The following ATP7A variants were observed in gnomAD, a reference collection of about 807,000 sequenced individuals.
ATP7A encodes ATPase copper transporting alpha, also known as copper-transporting ATPase 1.
Under a neutral mutation model 83.5 loss-of-function variants are expected in ATP7A, and 7 were observed. The observed-to-expected ratio is 0.08, with a 90% CI of 0.05 to 0.16. ATP7A has a LOEUF of 0.16. Among genes scored for constraint, ATP7A ranks in the 10% least tolerant of loss-of-function variants. ATP7A has a pLI of 1.00. For missense variants in ATP7A, 940 were observed against 1,120.8 expected (o/e 0.84, Z 2.30); for synonymous variants, 354 against 395.2 (o/e 0.90, Z 1.24).
chrX:77,970,665 TCAAAAACAAAAA>T (rs373778439), intron 1 of ATP7A, among the ~76,000 whole-genome samples: 2 of 110,500 alleles, frequency 1.8e-5, no homozygotes, highest in East Asian at 2.8e-4. Context: ...GAATTGAGTC[TCAAAAACAAAAA>T]CAAAAACAAA....
chrX:77,988,498 C>T lies in ATP7A; in HGVS notation c.377C>T (p.Ala126Val), dbSNP rs782629239. Residue 126 changes from alanine (A) to valine (V), a missense_variant, in exon 3 of 23, where the codon GCA becomes GTA. Around this residue, in one of 3 missense-constraint regions of ATP7A, gnomAD observed 350 missense variants for 432.8 expected, o/e 0.81. Coordinates refer to ENST00000341514, the MANE Select transcript of ATP7A (RefSeq NM_000052.7). The part of the protein sequence containing the change: ...IKIYPQKRTV[A>V]VTIIPSIVNA... ...ATTTACCCTCAGAAAAGAACTGTAGCAGTGACAATAATCCCTTCTATAGTG... is the reference window on the plus strand; with the variant it reads ...ATTTACCCTCAGAAAAGAACTGTAGTAGTGACAATAATCCCTTCTATAGTG... 1 of 1,211,644 alleles carries T rather than the reference C, an allele frequency of 8.3e-7. No homozygotes were observed. Among genetic ancestry groups the T allele is most frequent in the South Asian group, 1.8e-5 (1 of 56,991 alleles).
At chrX:78,028,340 C>A (rs782623852) in intron 14 of ATP7A, among the ~76,000 whole-genome samples, 15 of 110,949 alleles carry the variant, frequency 1.4e-4, no homozygotes, top group Non-Finnish European at 1.7e-4. Flanking sequence ...AGGCATGTGC[C>A]ACCATGCCCA....
At chrX:78,035,029 C>T (rs1176012671) in intron 17 of ATP7A, among the ~76,000 whole-genome samples, 1 of 111,634 alleles carries the variant, frequency 9.0e-6, no homozygotes, top group African/African-American at 3.3e-5. Context: ...CAGGTGTGAG[C>T]CACTGCACCC....
chrX:77,978,048 A>AATGTGTTTATATGGTC (rs1342603579), intron 2 of ATP7A, among the ~76,000 whole-genome samples: 24 of 111,669 alleles, frequency 2.1e-4, no homozygotes, highest in Non-Finnish European at 4.1e-4. Flanking sequence ...GAGTATCAGC[A>AATGTGTTTATATGGTC]ATGTGTTTAT....
intron 1 of ATP7A, chrX:77,969,767 C>A (rs1557229414): frequency 1.2e-6 from 1 of 812,535 alleles, no homozygotes; most frequent in South Asian, 2.6e-5. Context: ...CCACTGTTTC[C>A]ATGGGATATA....
Position 78,038,878 on chromosome X carries a change from G to A in ATP7A, c.3554G>A (p.Arg1185Gln), listed in dbSNP as rs782435305. The A allele has an allele frequency of 1.7e-6, 2 of 1,209,690 alleles. No homozygotes were observed. The highest frequency in any genetic ancestry group is 2.2e-6 in the Non-Finnish European group (2 of 893,691). The change falls in exon 18 of 23, where the codon CGG becomes CAG. Residue 1185 changes from arginine to glutamine, a missense_variant. Coordinates refer to ENST00000341514, the MANE Select transcript of ATP7A (RefSeq NM_000052.7). The stretch of plus-strand genomic sequence containing the variant: ...CAGTATAAAGTCCTCATTGGTAACC[G>A]GGAGTGGATGATTAGAAATGGTCTT... Reference protein sequence around the residue: ...AQQYKVLIGNREWMIRNGLVI... With the variant: ...AQQYKVLIGNQEWMIRNGLVI...
At chrX:78,013,227 G>T in intron 10 of ATP7A, 115 bp downstream of exon 10, 1 of 684,587 alleles carries the variant, frequency 1.5e-6, no homozygotes. Flanking sequence ...TTTACTGAAA[G>T]ACGTATTTTC....
intron 17 of ATP7A, among the ~76,000 whole-genome samples, chrX:78,037,614 A>G (rs1020744123): frequency 8.9e-6 from 1 of 111,820 alleles, no homozygotes; most frequent in Non-Finnish European, 1.9e-5. Context: ...GGATGGGCAA[A>G]GAAGGCCAAG....
intron 6 of ATP7A, among the ~76,000 whole-genome samples, chrX:78,007,104 C>T (rs1421613918): frequency 1.8e-5 from 2 of 111,759 alleles, no homozygotes; most frequent in Non-Finnish European, 3.8e-5. Flanking sequence ...TCTAAAGCAG[C>T]TGTACCATTT....
At chrX:77,935,227 G>A (rs1038425036) in intron 1 of ATP7A, among the ~76,000 whole-genome samples, 1 of 112,129 alleles carries the variant, frequency 8.9e-6, no homozygotes, top group Non-Finnish European at 1.9e-5. Flanking sequence ...CTAATAAAAA[G>A]CAGGAATAGT....
intron 1 of ATP7A, among the ~76,000 whole-genome samples, chrX:77,921,780 C>A (rs2077216986): frequency 9.0e-6 from 1 of 110,615 alleles, no homozygotes; most frequent in African/African-American, 3.3e-5. Context: ...GTGGTGGGCA[C>A]CTGTAATCCT....
At chrX:77,967,514 CT>C (rs2077515834) in intron 1 of ATP7A, among the ~76,000 whole-genome samples, 1 of 111,977 alleles carries the variant, frequency 8.9e-6, no homozygotes, top group African/African-American at 3.2e-5. Flanking sequence ...TGATGTTGAG[CT>C]TTTTTTCATA....
At chrX:77,940,830 A>T (rs1603373391) in intron 1 of ATP7A, among the ~76,000 whole-genome samples, 1 of 112,073 alleles carries the variant, frequency 8.9e-6, no homozygotes, top group East Asian at 2.8e-4. Context: ...GAGATAAAAA[A>T]CAGATGATCA....
chrX:77,947,401 G>A (rs1231861501), intron 1 of ATP7A, among the ~76,000 whole-genome samples: 1 of 109,095 alleles, frequency 9.2e-6, no homozygotes, highest in Non-Finnish European at 1.9e-5. Flanking sequence ...ATATAAAAAT[G>A]GTTAAAATGG....
chrX:77,970,067 G>A (rs1399336135), intron 1 of ATP7A, among the ~76,000 whole-genome samples: 2 of 111,597 alleles, frequency 1.8e-5, no homozygotes, highest in Admixed American at 1.9e-4. Flanking sequence ...GTCTGGGGAT[G>A]TAGTAGTTTA....
intron 2 of ATP7A, among the ~76,000 whole-genome samples, chrX:77,972,113 C>A (rs995450953): frequency 1.8e-5 from 2 of 111,016 alleles, no homozygotes; most frequent in African/African-American, 6.5e-5. Flanking sequence ...TTTTCTTTTT[C>A]TTTTATAACA....
chrX:78,033,022 T>C (rs1273318523), intron 16 of ATP7A, among the ~76,000 whole-genome samples: 4 of 112,540 alleles, frequency 3.6e-5, no homozygotes, highest in Admixed American at 9.4e-5. Context: ...AATTTGTAAT[T>C]ATCTACTGGA....
At chrX:77,993,009 T>G (rs1217160221) in intron 4 of ATP7A, among the ~76,000 whole-genome samples, 1 of 112,596 alleles carries the variant, frequency 8.9e-6, no homozygotes, top group Non-Finnish European at 1.9e-5. Context: ...TTCTCAGAGC[T>G]TCTATTAAAT....
chrX:78,013,186 T>C, intron 10 of ATP7A, 74 bp downstream of exon 10: 2 of 909,668 alleles, frequency 2.2e-6, no homozygotes, highest in Non-Finnish European at 3.2e-6. Flanking sequence ...AGGCCAATCA[T>C]TGGAAATACA....
Sources: allele counts gnomAD v4.1 joint callset (sites outside exome capture counted in the v4.1 genomes callset), GRCh38; gene constraint gnomAD v4.1.1; regional missense constraint gnomAD v4.1.1; transcripts MANE v1.5; gene names NCBI Gene and HGNC (gene_info 2026-07-23, HGNC 2026-07-21).